Variants in FOXN3 observed in about 807,000 individuals in gnomAD.
FOXN3 encodes forkhead box protein N3.
FOXN3 carries 7 observed loss-of-function variants against 38.4 expected under a neutral mutation model. The observed-to-expected ratio is 0.18, with a 90% CI of 0.10 to 0.34. The LOEUF (loss-of-function observed/expected upper bound fraction) is 0.34. Among genes scored for constraint, FOXN3 ranks in the 10% least tolerant of loss-of-function variants. The pLI is 1.00. For missense variants in FOXN3, 456 were observed against 613.4 expected, an observed-to-expected ratio of 0.74 and a Z score of 2.71; for synonymous variants, 230 against 242.2, an observed-to-expected ratio of 0.95 and a Z score of 0.47.
At position 89,390,688 on chromosome 14, in the gene FOXN3, A is replaced by C. The variant is rs545538084; in HGVS notation, c.543+21246T>G. Among the ~76,000 whole-genome samples, 7 of 152,278 alleles carry C rather than the reference A, an allele frequency of 4.6e-5. No homozygotes were observed. The East Asian group carries it at 1.3e-3, about 29-fold the overall frequency. ...TAAAAATGGCCCAAGGAAGCTCCAA[A>C]GTAATTGAATCTACTCGTATGACCA... On this transcript the variant is annotated intron_variant, in intron 2 of 5. Transcript: ENST00000557258.
chr14:89,585,757 G>GAAAAA (rs34382325), intron 1 of FOXN3, among the ~76,000 whole-genome samples: 1 of 136,798 alleles, frequency 7.3e-6, no homozygotes, highest in Non-Finnish European at 1.6e-5. Flanking sequence ...CACTTGACTA[G>GAAAAA]AAAAAAAAAA....
chr14:89,345,992 G>A (rs931673599), intron 3 of FOXN3, among the ~76,000 whole-genome samples: 2 of 152,202 alleles, frequency 1.3e-5, no homozygotes, highest in African/African-American at 2.4e-5. Context: ...GGCAGAGATC[G>A]CAGTGAGCCG....
intron 4 of FOXN3, among the ~76,000 whole-genome samples, chr14:89,231,409 G>A (rs539511562): frequency 5.9e-5 from 9 of 152,126 alleles, no homozygotes; most frequent in Non-Finnish European, 1.3e-4. Flanking sequence ...GTCAAGAGCC[G>A]GCCCAGCCTC....
rs74372475 is a variant in FOXN3 at position 89,510,061 on chromosome 14, C to T, written c.-14-97571G>A. Among the ~76,000 whole-genome samples the T allele has an allele frequency of 1.2e-4, 18 of 152,220 alleles. No individual in the cohort carries two copies. The East Asian group carries it at 3.1e-3, about 26-fold the overall frequency. Reference sequence around the variant, plus strand: ...CCATAGAACCCACATGGATGAGAGGCGGATAGATATCAGCAGGCAGACCTC... The same window carrying T: ...CCATAGAACCCACATGGATGAGAGGTGGATAGATATCAGCAGGCAGACCTC... On this transcript the variant is annotated intron_variant, in intron 1 of 6. Coordinates refer to the FOXN3 transcript ENST00000345097.
chr14:89,250,135 G>C (rs1234191401), intron 4 of FOXN3, among the ~76,000 whole-genome samples: 1 of 152,224 alleles, frequency 6.6e-6, no homozygotes, highest in East Asian at 1.9e-4. Flanking sequence ...GTTTCAGACA[G>C]GGTCTTGCTC....
At chr14:89,514,968 G>A (rs1894173232) in intron 1 of FOXN3, among the ~76,000 whole-genome samples, 1 of 151,318 alleles carries the variant, frequency 6.6e-6, no homozygotes, top group Non-Finnish European at 1.5e-5. Flanking sequence ...CTCCTAGGCT[G>A]GAGTGCAGCA....
chr14:89,430,222 T>C (rs1249188970), intron 1 of FOXN3, among the ~76,000 whole-genome samples: 1 of 152,170 alleles, frequency 6.6e-6, no homozygotes, highest in Non-Finnish European at 1.5e-5. Context: ...AGTACAAAGC[T>C]TTTTCCACTC....
rs1161480542 is a variant in FOXN3 at position 89,299,891 on chromosome 14, C to T, written c.681-18877G>A. On this transcript the variant is annotated intron_variant, in intron 3 of 5. Coordinates refer to ENST00000557258, the MANE Select transcript of FOXN3 (RefSeq NM_005197.4). The stretch of plus-strand genomic sequence containing the variant: ...AGTGGCAAAAGCTTATCTAAAATCC[C>T]CTCCATCAAGAGCAAACACATGGTG... 2.6e-5 allele frequency among the ~76,000 whole-genome samples: 4 copies of T among 152,160 alleles called. No individual in the cohort carries two copies. The East Asian group carries it at 7.7e-4, about 29-fold the overall frequency.
rs561172821 is a variant in FOXN3 at position 89,208,435 on chromosome 14, C to G, written c.746-27629G>C. On this transcript the variant is annotated intron_variant, in intron 4 of 5. Transcript: ENST00000557258. ...TGGGGAAAAGGCAAAAGCAACGACT[C>G]AAATTAATATGCCAGTGATGATGTG... 1.2e-4 allele frequency among the ~76,000 whole-genome samples: 18 copies of G among 152,316 alleles called. 1 individual carries two copies. In the South Asian group the frequency reaches 3.7e-3, roughly 32 times the overall value.
chr14:89,218,932 C>T (rs1446944757), intron 4 of FOXN3, among the ~76,000 whole-genome samples: 4 of 152,320 alleles, frequency 2.6e-5, no homozygotes, highest in South Asian at 2.1e-4. Flanking sequence ...ATTCAGCACC[C>T]GCTAAGACTT....
intron 3 of FOXN3, among the ~76,000 whole-genome samples, chr14:89,300,828 G>A (rs1164489614): frequency 3.9e-5 from 6 of 152,122 alleles, no homozygotes. Context: ...ATGGAGTCTC[G>A]CTCTGTTGCT....
intron 1 of FOXN3, among the ~76,000 whole-genome samples, chr14:89,495,069 C>G (rs994626128): frequency 6.6e-6 from 1 of 152,128 alleles, no homozygotes; most frequent in African/African-American, 2.4e-5. Flanking sequence ...ACTGGTAAGC[C>G]GCTTTAAATA....
At chr14:89,422,237 G>C (rs928928682) in intron 1 of FOXN3, among the ~76,000 whole-genome samples, 13 of 152,208 alleles carry the variant, frequency 8.5e-5, no homozygotes, top group African/African-American at 3.1e-4. Flanking sequence ...TCTCAAACTC[G>C]TGTATGCATA....
chr14:89,612,794 G>T (rs1896418726), intron 1 of FOXN3, among the ~76,000 whole-genome samples: 1 of 151,288 alleles, frequency 6.6e-6, no homozygotes, highest in Non-Finnish European at 1.5e-5. Flanking sequence ...ACTCCAGCCT[G>T]GGTGACAGAG....
intron 1 of FOXN3, among the ~76,000 whole-genome samples, chr14:89,531,081 CATATATATACACACACAT>C (rs1304369077): frequency 2.1e-5 from 3 of 145,902 alleles, no homozygotes; most frequent in Non-Finnish European, 4.5e-5. Flanking sequence ...TATACACACA[CATATATATACACACACAT>C]ATATAATATA....
chr14:89,416,095 G>T (rs1197142521), intron 1 of FOXN3, among the ~76,000 whole-genome samples: 1 of 152,156 alleles, frequency 6.6e-6, no homozygotes, highest in African/African-American at 2.4e-5. Context: ...TAGCGAGTTT[G>T]GGGGGCCGGG....
chr14:89,338,812 G>C lies in FOXN3; in HGVS notation c.680+11860C>G, dbSNP rs533786914. 2.0e-4 allele frequency among the ~76,000 whole-genome samples: 30 copies of C among 151,654 alleles called. 1 individual carries two copies. Among genetic ancestry groups the C allele is most frequent in the African/African-American group, 6.8e-4 (28 of 41,404 alleles). ...TGAAAGGGCAAAACTCTGTCTCAAA[G>C]AAAAAAAATATTTGGTATGCAGCAT... On this transcript the variant is annotated intron_variant, in intron 3 of 5. Coordinates refer to ENST00000557258, the MANE Select transcript of FOXN3 (RefSeq NM_005197.4).
chr14:89,441,598 G>A lies in FOXN3; in HGVS notation c.-14-29108C>T, dbSNP rs139580525. Among the ~76,000 whole-genome samples the A allele has an allele frequency of 3.0e-3, 456 of 152,288 alleles. 2 individuals are homozygous for A. Among genetic ancestry groups the A allele is most frequent in the African/African-American group, 0.011 (440 of 41,570 alleles). On this transcript the variant is annotated intron_variant, in intron 1 of 6. Coordinates refer to the FOXN3 transcript ENST00000345097. Reference sequence around the variant, plus strand: ...CACCCTACTAGCTGGAACAGAAAGGGCATCATCCTTCCGCAGGGTTGGACC... The same window carrying A: ...CACCCTACTAGCTGGAACAGAAAGGACATCATCCTTCCGCAGGGTTGGACC...
At chr14:89,469,035 T>C (rs1893040200) in intron 1 of FOXN3, among the ~76,000 whole-genome samples, 3 of 152,194 alleles carry the variant, frequency 2.0e-5, no homozygotes, top group Admixed American at 2.0e-4. Context: ...GCATCATATC[T>C]GCTCTCTAAT....
Sources: allele counts gnomAD v4.1 joint callset (sites outside exome capture counted in the v4.1 genomes callset), GRCh38; gene constraint gnomAD v4.1.1; transcripts MANE v1.5; gene names NCBI Gene and HGNC (gene_info 2026-07-23, HGNC 2026-07-21).